The following SCRN2 variants were observed in gnomAD, a reference collection of about 807,000 sequenced individuals.
SCRN2 encodes secernin 2, also known as secernin-2.
A neutral mutation model predicts 40.1 loss-of-function variants in SCRN2; 30 were observed. The ratio of observed to expected loss-of-function variants is 0.75; its 90% CI spans 0.56 to 1.01. The LOEUF is 1.01. Ranked by LOEUF, SCRN2 falls within the 50% of genes least tolerant of loss-of-function variation. The pLI is 0.00. For missense variants in SCRN2, 526 were observed against 564.9 expected, an observed-to-expected ratio of 0.93 and a Z score of 0.70; for synonymous variants, 240 against 233.5, an observed-to-expected ratio of 1.03 and a Z score of -0.25.
At chr17:47,838,471 G>A (rs1274374430) in intron 6 of SCRN2, 21 bp from the exon 7 acceptor site, 2 of 1,613,700 alleles carry the variant, frequency 1.2e-6, no homozygotes, top group Admixed American at 3.3e-5. Context: ...ACAGATGGAA[G>A]CACGGAGATA....
At position 47,838,950 on chromosome 17, in the gene SCRN2, G is replaced by T. The variant is rs2033763012; in HGVS notation, c.613C>A (p.His205Asn). ...TGGGCATGAGTCCGCAGCTCCGGGTGTTGGGCCGAGATGTCCGTGCCAATG... is the reference window on the plus strand; with the variant it reads ...TGGGCATGAGTCCGCAGCTCCGGGTTTTGGGCCGAGATGTCCGTGCCAATG... The part of the protein sequence containing the change: ...LSIGTDISAQ[H>N]PELRTHAQAK... The change falls in exon 5 of 8, where the codon CAC becomes AAC. Residue 205 changes from histidine (H) to asparagine (N), a missense_variant. Coordinates refer to ENST00000290216, the MANE Select transcript of SCRN2 (RefSeq NM_138355.4). 8 of 1,614,054 alleles carry T rather than the reference G, an allele frequency of 5.0e-6. No individual in the cohort carries two copies. Among genetic ancestry groups the T allele is most frequent in the African/African-American group, 1.3e-5 (1 of 75,068 alleles).
chr17:47,840,740 C>T lies in SCRN2; in HGVS notation c.104G>A (p.Arg35Gln), dbSNP rs774925208. 6.3e-7 allele frequency: 1 copy of T among 1,599,882 alleles called. No individual in the cohort carries two copies. The highest frequency in any genetic ancestry group is 1.7e-5 in the Admixed American group (1 of 57,474). ...CACCTCCTGCACCTCGTCCCGGGGTCGGTCCGAGTTCTTGGCAAAGATCAC... is the reference window on the plus strand; with the variant it reads ...CACCTCCTGCACCTCGTCCCGGGGTTGGTCCGAGTTCTTGGCAAAGATCAC... ...PAVIFAKNSD[R>Q]PRDEVQEVVF... is the part of the protein sequence containing the mutation. Residue 35 changes from arginine (R) to glutamine (Q), a missense_variant, in exon 2 of 8, where the codon CGA becomes CAA. Physicochemically the swap from Arg to Gln is conservative, Grantham distance 43. Coordinates refer to ENST00000290216, the MANE Select transcript of SCRN2 (RefSeq NM_138355.4).
Position 47,837,762 on chromosome 17 carries a change from G to A in SCRN2, c.*82C>T. 1 of 1,466,120 alleles carries A rather than the reference G, an allele frequency of 6.8e-7. No homozygotes were observed. Among genetic ancestry groups the A allele is most frequent in the Non-Finnish European group, 9.0e-7 (1 of 1,107,226 alleles). 90.8% of individuals were successfully genotyped at this position (1,466,120 alleles called of 1,614,324 possible). On this transcript the variant is annotated 3_prime_UTR_variant, in exon 8 of 8. Coordinates refer to ENST00000290216, the MANE Select transcript of SCRN2 (RefSeq NM_138355.4). ...AGAACATGGCCAAGGAGCGTGAAGG[G>A]ATTGCTCCACTTTACCACCACTCAG...
At position 47,838,085 on chromosome 17, in the gene SCRN2, A is replaced by G; in HGVS notation, c.1120-83T>C. Reference sequence around the variant, plus strand: ...GGGGGGACTGTGTACCACCTCACACAAGCAGGAGAAAGGAGATACCCCCCG... The same window carrying G: ...GGGGGGACTGTGTACCACCTCACACGAGCAGGAGAAAGGAGATACCCCCCG... On this transcript the variant is annotated intron_variant, in intron 7 of 7. Coordinates refer to ENST00000290216, the MANE Select transcript of SCRN2 (RefSeq NM_138355.4). 4 of 1,560,204 alleles carry G rather than the reference A, an allele frequency of 2.6e-6. No individual in the cohort carries two copies. In the East Asian group the frequency reaches 9.0e-5, roughly 35 times the overall value.
At chr17:47,840,493 G>A (rs553721978) in intron 2 of SCRN2, 121 bp from the exon 3 acceptor site, 1 of 1,284,794 alleles carries the variant, frequency 7.8e-7, no homozygotes, top group East Asian at 2.5e-5. Context: ...TTTTACAGAA[G>A]AGGAAACTGA....
Position 47,838,803 on chromosome 17 carries a change from G to A in SCRN2, c.760C>T (p.Arg254Trp), listed in dbSNP as rs140113065. ...ARFQAGRELL[R>W]QRQGGITAEV... is the part of the protein sequence containing the mutation. ...ACCGTTCACTAACCTTGCCGTTGCC[G>A]CAGCAGCTCCCGCCCTGCCTGGAAG... The change falls in exon 5 of 8, where the codon CGG (arginine) becomes TGG (tryptophan). Residue 254 changes from arginine to tryptophan, a missense_variant. Physicochemically the swap from Arg to Trp is moderately radical, Grantham distance 101. Transcript: ENST00000290216. The A allele has an allele frequency of 1.1e-5, 18 of 1,612,786 alleles. No homozygotes were observed. Among genetic ancestry groups the A allele is most frequent in the Middle Eastern group, 1.6e-4 (1 of 6,062 alleles).
At chr17:47,840,469 A>C in intron 2 of SCRN2, 97 bp from the exon 3 acceptor site, 1 of 1,404,934 alleles carries the variant, frequency 7.1e-7, no homozygotes. Flanking sequence ...CCTTTGAGGA[A>C]GGTCTCATTC....
At chr17:47,841,050 G>A in intron 1 of SCRN2, 158 bp downstream of exon 1, 1 of 431,372 alleles carries the variant, frequency 2.3e-6, no homozygotes, top group Non-Finnish European at 4.0e-6. Context: ...GGGCACTCCG[G>A]GGGTCCCGCC....
intron 3 of SCRN2, chr17:47,839,904 C>G (rs542698939): frequency 1.7e-6 from 1 of 595,754 alleles, no homozygotes; most frequent in East Asian, 2.8e-5. Context: ...CCCCTAACCT[C>G]TCTCCACCCA....
chr17:47,839,067 TG>T (rs2033766391), intron 4 of SCRN2, 61 bp from the exon 5 acceptor site: 10 of 1,558,768 alleles, frequency 6.4e-6, no homozygotes, highest in Non-Finnish European at 8.8e-6. Flanking sequence ...TGCCAGGCAC[TG>T]GGCGAGGTGC....
rs373523091 is a variant in SCRN2 at position 47,840,195 on chromosome 17, G to A, written c.352C>T (p.Leu118Phe). 18 of 1,612,406 alleles carry A rather than the reference G, an allele frequency of 1.1e-5. No individual in the cohort carries two copies. In the African/African-American group the frequency reaches 2.1e-4, roughly 19 times the overall value. ...GAGGAAGGGCAGGGTCTGCACCTGAGTAGGTCCATGCCCAGCAGGGCTTCC... is the reference window on the plus strand; with the variant it reads ...GAGGAAGGGCAGGGTCTGCACCTGAATAGGTCCATGCCCAGCAGGGCTTCC... ...EGEALLGMDL[L>F]RLALERSSSA... The change falls in exon 3 of 8, where the codon CTC becomes TTC. Residue 118 changes from leucine to phenylalanine, a missense_variant. Coordinates refer to ENST00000290216, the MANE Select transcript of SCRN2 (RefSeq NM_138355.4).
In SCRN2 at chr17:47,837,702, C is replaced by T; in HGVS notation, c.*142G>A. ...AAAGTTCACTGAAGAGAAAATAAAG[C>T]ACATTTATTAAGGCAAAGGCCAAGC... On this transcript the variant is annotated 3_prime_UTR_variant, in exon 8 of 8. Transcript: ENST00000290216. 2 of 1,018,204 alleles carry T rather than the reference C, an allele frequency of 2.0e-6. No individual in the cohort carries two copies. Among genetic ancestry groups the T allele is most frequent in the South Asian group, 1.9e-5 (1 of 52,940 alleles). The allele number at this position is 1,018,204 out of a possible 1,614,324, so 63.1% of individuals were successfully genotyped here.
chr17:47,841,058 G>A, intron 1 of SCRN2, 150 bp downstream of exon 1: 1 of 421,250 alleles, frequency 2.4e-6, no homozygotes, highest in Non-Finnish European at 4.2e-6. Flanking sequence ...CGGGGGTCCC[G>A]CCCCCACTGG....
At position 47,840,242 on chromosome 17, in the gene SCRN2, G is replaced by C; in HGVS notation, c.305C>G (p.Thr102Arg). ...GVCIGNEAVW[T>R]KEPVGEGEAL... ...TTCCCCCTCCCCAACTGGCTCCTTC[G>C]TCCACACAGCCTCGTTGCCAATGCA... The change falls in exon 3 of 8, where the codon ACG (threonine) becomes AGG (arginine). Residue 102 changes from threonine (T) to arginine (R), a missense_variant. Coordinates refer to ENST00000290216, the MANE Select transcript of SCRN2 (RefSeq NM_138355.4). 2 of 1,614,046 alleles carry C rather than the reference G, an allele frequency of 1.2e-6. No homozygotes were observed. The highest frequency in any genetic ancestry group is 2.7e-5 in the African/African-American group (2 of 75,058).
At chr17:47,840,589 G>C (rs888371708) in intron 2 of SCRN2, 81 bp downstream of exon 2, 29 of 1,437,176 alleles carry the variant, frequency 2.0e-5, no homozygotes, top group Non-Finnish European at 2.7e-5. Flanking sequence ...CAGCCTCCCA[G>C]GTGTGGGGAG....
chr17:47,839,067 T>C (rs1598050670), intron 4 of SCRN2, 61 bp from the exon 5 acceptor site: 1 of 1,558,770 alleles, frequency 6.4e-7, no homozygotes, highest in East Asian at 2.3e-5. Flanking sequence ...TGCCAGGCAC[T>C]GGGCGAGGTG....
chr17:47,840,830 C>T lies in SCRN2; in HGVS notation c.14G>A (p.Ser5Asn). ...GTCGCAGGAACATGGGGAGTCAGGG[C>T]TCGACGACGCCATCTGGGGAGAGGC... is the stretch of plus-strand genomic sequence containing the variant. MASS[S>N]PDSPCSCDCF... The change falls in exon 2 of 8, where the codon AGC becomes AAC. Residue 5 changes from serine (S) to asparagine (N), a missense_variant. Ser to Asn is a conservative substitution (Grantham distance 46, BLOSUM62 1). Coordinates refer to ENST00000290216, the MANE Select transcript of SCRN2 (RefSeq NM_138355.4). 2 of 1,535,254 alleles carry T rather than the reference C, an allele frequency of 1.3e-6. No homozygotes were observed. The highest frequency in any genetic ancestry group is 1.8e-6 in the Non-Finnish European group (2 of 1,137,944).
At position 47,837,841 on chromosome 17, in the gene SCRN2, A is replaced by G. The variant is rs759960224; in HGVS notation, c.*3T>C. 1.3e-6 allele frequency: 2 copies of G among 1,595,968 alleles called. No homozygotes were observed. Among genetic ancestry groups the G allele is most frequent in the Non-Finnish European group, 1.7e-6 (2 of 1,178,154 alleles). On this transcript the variant is annotated 3_prime_UTR_variant, in exon 8 of 8. Coordinates refer to ENST00000290216, the MANE Select transcript of SCRN2 (RefSeq NM_138355.4). ...CACCCCAGGCCAGCAGAAGCTATGA[A>G]GCTTACGCATAAGCCTGGCTCTCCC...
At position 47,839,638 on chromosome 17, in the gene SCRN2, G is replaced by A. The variant is rs372508790; in HGVS notation, c.362C>T (p.Ala121Val). 3 of 1,613,736 alleles carry A rather than the reference G, an allele frequency of 1.9e-6. No homozygotes were observed. The highest frequency in any genetic ancestry group is 3.3e-5 in the Admixed American group (2 of 59,994). Residue 121 changes from alanine to valine, a missense_variant, in exon 4 of 8, where the codon GCT becomes GTT. Physicochemically the swap from Ala to Val is moderately conservative, Grantham distance 64. Coordinates refer to ENST00000290216, the MANE Select transcript of SCRN2 (RefSeq NM_138355.4). ...ALLGMDLLRL[A>V]LERSSSAQEA... Reference sequence around the variant, plus strand: ...CTGGGCAGAGCTGCTCCGTTCCAAAGCCAGCCTGGCAAAAGAGAGGGCCAA... The same window carrying A: ...CTGGGCAGAGCTGCTCCGTTCCAAAACCAGCCTGGCAAAAGAGAGGGCCAA...
Sources: allele counts gnomAD v4.1 joint callset, GRCh38; gene constraint gnomAD v4.1.1; transcripts MANE v1.5; gene names NCBI Gene and HGNC (gene_info 2026-07-23, HGNC 2026-07-21).